Variants in HMCN1 observed in about 807,000 individuals in gnomAD.
HMCN1 encodes the protein hemicentin 1, also known as hemicentin-1.
In HMCN1, 321 loss-of-function variants were observed where a neutral mutation model predicts 625.9. The ratio of observed to expected loss-of-function variants is 0.51; its 90% confidence interval spans 0.47 to 0.56. The LOEUF is 0.56. HMCN1 is among the 20% of genes least tolerant of loss of function. HMCN1 has a pLI of 0.00. For synonymous variants in HMCN1, 2,425 were observed against 2,417.6 expected, an observed-to-expected ratio of 1.00 and a Z score of -0.09; for missense variants, 6,588 against 6,887.3, an observed-to-expected ratio of 0.96 and a Z score of 1.54.
intron 26 of HMCN1, among the ~76,000 whole-genome samples, chr1:186,000,589 G>GTGTGTGTA (rs1553272427): frequency 6.8e-6 from 1 of 146,438 alleles, no homozygotes; most frequent in Non-Finnish European, 1.5e-5. Context: ...GTGTGTGTGT[G>GTGTGTGTA]TGTATGTATG....
In HMCN1 at chr1:186,069,560, A is replaced by G. The variant is rs1297730243; in HGVS notation, c.7880-103A>G. On this transcript the variant is annotated intron_variant, in intron 50 of 106. Coordinates refer to ENST00000271588, the MANE Select transcript of HMCN1 (RefSeq NM_031935.3). Reference sequence around the variant, plus strand: ...TGTCCATCACAGAATTGTCATATGTAAAAAGAAATATGTTAACAAGAAGAC... The same window carrying G: ...TGTCCATCACAGAATTGTCATATGTGAAAAGAAATATGTTAACAAGAAGAC... 3 of 752,598 alleles carry G rather than the reference A, an allele frequency of 4.0e-6. No individual in the cohort carries two copies. The African/African-American group carries it at 5.2e-5, about 13-fold the overall frequency. The allele number at this position is 752,598 out of a possible 1,614,324, so 46.6% of individuals were successfully genotyped here.
rs1558237872 is a variant in HMCN1 at position 186,119,869 on chromosome 1, T to C, written c.12081T>C (p.Asn4027=). 6.2e-7 allele frequency: 1 copy of C among 1,614,136 alleles called. No homozygotes were observed. The highest frequency in any genetic ancestry group is 2.2e-5 in the East Asian group (1 of 44,878). The part of the protein sequence containing the change: ...PFITWQKEGI[N]VNTSGRNHAV... ...TTACTTGGCAAAAAGAAGGCATCAATGTTAACACTTCAGGTACCTACCACT... is the reference window on the plus strand; with the variant it reads ...TTACTTGGCAAAAAGAAGGCATCAACGTTAACACTTCAGGTACCTACCACT... Residue 4027 remains asparagine, a synonymous_variant, in exon 79 of 107, where the codon AAT becomes AAC. Coordinates refer to ENST00000271588, the MANE Select transcript of HMCN1 (RefSeq NM_031935.3).
intron 41 of HMCN1, 73 bp from the exon 42 acceptor site, chr1:186,048,670 T>A (rs1377131274): frequency 5.7e-6 from 5 of 875,834 alleles, no homozygotes; most frequent in Non-Finnish European, 9.6e-6. Context: ...AAGAAATAGA[T>A]CACAAATAGT....
chr1:185,768,226 C>G (rs1345212472), intron 1 of HMCN1, among the ~76,000 whole-genome samples: 2 of 152,190 alleles, frequency 1.3e-5, no homozygotes, highest in Admixed American at 6.5e-5. Context: ...CAGGATGACT[C>G]TCATAGGTGA....
chr1:185,978,880 C>T (rs1021957285), intron 16 of HMCN1, among the ~76,000 whole-genome samples: 9 of 151,992 alleles, frequency 5.9e-5, no homozygotes, highest in African/African-American at 1.9e-4. Context: ...AGGGTTTTAC[C>T]ATGTTGGCCA....
At chr1:186,008,642 A>C (rs982246423) in intron 30 of HMCN1, among the ~76,000 whole-genome samples, 9 of 151,978 alleles carry the variant, frequency 5.9e-5, no homozygotes, top group African/African-American at 1.7e-4. Flanking sequence ...AATTTCCTAA[A>C]CCCTCTGGGC....
chr1:186,072,783 G>C lies in HMCN1; in HGVS notation c.8140-1958G>C, dbSNP rs571452781. Among the ~76,000 whole-genome samples, 16 of 152,338 alleles carry C rather than the reference G, an allele frequency of 1.1e-4. No homozygotes were observed. In the South Asian group the frequency reaches 3.1e-3, roughly 30 times the overall value. The stretch of plus-strand genomic sequence containing the variant: ...TGAAGTGCAGTGACAGATGGGAACA[G>C]AAAATGTGAGCAGAAGACTAATGGA... On this transcript the variant is annotated intron_variant, in intron 52 of 106. Coordinates refer to ENST00000271588, the MANE Select transcript of HMCN1 (RefSeq NM_031935.3).
At chr1:186,122,862 A>G (rs1388330421) in intron 80 of HMCN1, 89 bp from the exon 81 acceptor site, 3 of 1,361,622 alleles carry the variant, frequency 2.2e-6, no homozygotes, top group Non-Finnish European at 2.1e-6. Flanking sequence ...TTTCTTATCA[A>G]TGTTTGCTAG....
chr1:186,117,879 G>A (rs956593520), intron 77 of HMCN1, among the ~76,000 whole-genome samples: 2 of 152,100 alleles, frequency 1.3e-5, no homozygotes, highest in South Asian at 2.1e-4. Context: ...ATGATCACCG[G>A]TATTTATGTG....
At chr1:186,157,704 T>C (rs865871005) in intron 97 of HMCN1, among the ~76,000 whole-genome samples, 1 of 152,178 alleles carries the variant, frequency 6.6e-6, no homozygotes, top group Admixed American at 6.5e-5. Flanking sequence ...GGTTTTTTGT[T>C]CTTGCGATAG....
At position 186,015,956 on chromosome 1, in the gene HMCN1, A is replaced by G; in HGVS notation, c.4910-2A>G. The G allele has an allele frequency of 6.2e-7, 1 of 1,611,474 alleles. No individual in the cohort carries two copies. The highest frequency in any genetic ancestry group is 1.1e-5 in the South Asian group (1 of 91,018). ...CTGAAATATTGCTATGTTTCTCCCT[A>G]GTTCCTCCAATGATTGAAGGCAACT... On this transcript the variant is annotated splice_acceptor_variant, in intron 31 of 106. Coordinates refer to ENST00000271588, the MANE Select transcript of HMCN1 (RefSeq NM_031935.3). LOFTEE classifies it high-confidence loss of function.
At chr1:186,130,243 GAAA>G (rs1038131574) in intron 84 of HMCN1, 143 bp downstream of exon 84, 18 of 1,189,086 alleles carry the variant, frequency 1.5e-5, no homozygotes, top group Non-Finnish European at 1.5e-5. Flanking sequence ...AAATTCATGA[GAAA>G]AAAATTATGA....
intron 1 of HMCN1, among the ~76,000 whole-genome samples, chr1:185,771,510 A>G (rs995756056): frequency 1.3e-5 from 2 of 152,140 alleles, no homozygotes; most frequent in African/African-American, 4.8e-5. Flanking sequence ...GTTATAGCTG[A>G]CTTTTTGTTA....
chr1:186,023,775 A>G (rs1654876088), intron 36 of HMCN1, among the ~76,000 whole-genome samples: 1 of 152,174 alleles, frequency 6.6e-6, no homozygotes, highest in Non-Finnish European at 1.5e-5. Context: ...CACGTTATTC[A>G]TTTTCTCTAA....
chr1:186,089,905 T>C (rs1558214647), intron 63 of HMCN1, among the ~76,000 whole-genome samples: 1 of 151,904 alleles, frequency 6.6e-6, no homozygotes, highest in Non-Finnish European at 1.5e-5. Flanking sequence ...TGCTGGTAAA[T>C]GTTTAAGAAT....
chr1:185,882,550 G>A (rs916758003), intron 4 of HMCN1, among the ~76,000 whole-genome samples: 21 of 151,858 alleles, frequency 1.4e-4, no homozygotes, highest in African/African-American at 4.1e-4. Context: ...GATATGGGTA[G>A]TTGCCACAAA....
At chr1:185,751,430 A>T (rs562176340) in intron 1 of HMCN1, among the ~76,000 whole-genome samples, 1 of 152,136 alleles carries the variant, frequency 6.6e-6, no homozygotes, top group East Asian at 1.9e-4. Context: ...TGGTTATTTT[A>T]AAATTATCTC....
rs1648491431 is a variant in HMCN1, at chr1:186,189,945, G to A, written c.*67G>A. 6.4e-7 allele frequency: 1 copy of A among 1,568,222 alleles called. No homozygotes were observed. The highest frequency in any genetic ancestry group is 8.7e-7 in the Non-Finnish European group (1 of 1,146,256). ...ATCATGGCAATCAAGCCCCCTTCCA[G>A]ATTACTGTCTCTTGAACAGTTGCAA... On this transcript the variant is annotated 3_prime_UTR_variant, in exon 107 of 107. Coordinates refer to ENST00000271588, the MANE Select transcript of HMCN1 (RefSeq NM_031935.3).
intron 11 of HMCN1, among the ~76,000 whole-genome samples, chr1:185,942,019 C>T (rs1668105016): frequency 6.6e-6 from 1 of 151,538 alleles, no homozygotes; most frequent in African/African-American, 2.4e-5. Flanking sequence ...GGTGAAACTC[C>T]ATCTCTACTA....
Sources: gnomAD v4.1 joint callset for allele counts (sites outside exome capture counted in the v4.1 genomes callset) on GRCh38, gnomAD v4.1.1 for gene constraint, MANE v1.5 for transcripts, NCBI Gene and HGNC (gene_info 2026-07-23, HGNC 2026-07-21) for gene names.